Variants in ADK observed in about 807,000 individuals in gnomAD.
The protein encoded by ADK is adenosine kinase.
ADK carries 24 observed loss-of-function variants against 44.7 expected under a neutral mutation model. The observed-to-expected ratio is 0.54, with a 90% CI of 0.39 to 0.76. The LOEUF (loss-of-function observed/expected upper bound fraction) is 0.76, where lower values mean the gene tolerates loss of function less well. Ranked by LOEUF, ADK falls within the 30% of genes least tolerant of loss-of-function variation. The pLI, the probability that ADK is intolerant of heterozygous loss-of-function variation, is 0.00. For synonymous variants in ADK, 128 were observed against 142.6 expected (o/e 0.90, Z 0.73); for missense variants, 321 against 425.1 (o/e 0.76, Z 2.15).
chr10:74,582,760 A>G (rs969657868), intron 7 of ADK, among the ~76,000 whole-genome samples: 3 of 152,164 alleles, frequency 2.0e-5, no homozygotes, highest in Non-Finnish European at 4.4e-5. Flanking sequence ...ATTGCCCCAT[A>G]GAGTTTTTGG....
At chr10:74,267,701 C>A (rs1180214907) in intron 3 of ADK, among the ~76,000 whole-genome samples, 1 of 150,732 alleles carries the variant, frequency 6.6e-6, no homozygotes, top group African/African-American at 2.4e-5. Context: ...ACCCTCTTCA[C>A]CTCATCTTCT....
chr10:74,227,473 G>C lies in ADK; in HGVS notation c.194+2882G>C, dbSNP rs549963792. ...ATGTGTAATCCCAACACTTTGAGAG[G>C]CTGAGGTGGAAGGATTGCTTGAGGC... On this transcript the variant is annotated intron_variant, in intron 3 of 10. Transcript: ENST00000539909. Among the ~76,000 whole-genome samples, 10 of 152,270 alleles carry C rather than the reference G, an allele frequency of 6.6e-5. No individual in the cohort carries two copies. In the South Asian group the frequency reaches 8.3e-4, roughly 13 times the overall value.
chr10:74,314,573 T>C lies in ADK; in HGVS notation c.195-94T>C, dbSNP rs187598971. 2,147 of 749,566 alleles carry C rather than the reference T, an allele frequency of 2.9e-3. 12 individuals carry two copies. The highest frequency in any genetic ancestry group is 4.0e-3 in the Non-Finnish European group (1,676 of 423,396). The allele number at this position is 749,566 out of a possible 1,614,324, so 46.4% of individuals were successfully genotyped here. ...TACTTAAACAATAAAAACATTTTAC[T>C]ATTTGTGTTTTAATACTCTTCTGCT... On this transcript the variant is annotated intron_variant, in intron 3 of 10. Coordinates refer to ENST00000539909, the MANE Select transcript of ADK (RefSeq NM_006721.4).
chr10:74,471,109 CTG>C (rs1846569765), intron 6 of ADK, among the ~76,000 whole-genome samples: 1 of 148,024 alleles, frequency 6.8e-6, no homozygotes, highest in Non-Finnish European at 1.5e-5. Flanking sequence ...GATTCTCACT[CTG>C]TTGCCCAGGC....
At chr10:74,502,685 A>G (rs1275395620) in intron 6 of ADK, among the ~76,000 whole-genome samples, 1 of 152,228 alleles carries the variant, frequency 6.6e-6, no homozygotes, top group Admixed American at 6.5e-5. Flanking sequence ...TCTGTTTTCA[A>G]CGAAACTATT....
intron 4 of ADK, among the ~76,000 whole-genome samples, chr10:74,334,645 G>A (rs2131856074): frequency 6.6e-6 from 1 of 152,214 alleles, no homozygotes; most frequent in African/African-American, 2.4e-5. Context: ...TTTTCTGTTT[G>A]TATAGTTTTG....
chr10:74,178,935 T>G (rs1158613050), intron 1 of ADK, among the ~76,000 whole-genome samples: 1 of 152,232 alleles, frequency 6.6e-6, no homozygotes, highest in Non-Finnish European at 1.5e-5. Flanking sequence ...CATGATTTAG[T>G]GCTCTGCATG....
At chr10:74,312,290 T>TAGAG (rs35574014) in intron 3 of ADK, among the ~76,000 whole-genome samples, 98,539 of 151,176 alleles carry the variant, frequency 0.65, 33,230 homozygotes, top group Middle Eastern at 0.8. Context: ...CACTTGTAGA[T>TAGAG]AGAGTGTGTG....
chr10:74,309,662 G>A (rs1840369518), intron 3 of ADK, among the ~76,000 whole-genome samples: 2 of 152,056 alleles, frequency 1.3e-5, no homozygotes, highest in Admixed American at 1.3e-4. Flanking sequence ...AAAAGGGAGA[G>A]GGGTGTATGA....
chr10:74,263,942 T>C (rs4745743), intron 3 of ADK, among the ~76,000 whole-genome samples: 110,320 of 152,058 alleles, frequency 0.73, 40,653 homozygotes, highest in Middle Eastern at 0.86. Flanking sequence ...AACACTACTG[T>C]GTTTAAGGTT....
At chr10:74,647,102 T>TAA (rs879317276) in intron 9 of ADK, among the ~76,000 whole-genome samples, 11 of 145,266 alleles carry the variant, frequency 7.6e-5, no homozygotes, top group Admixed American at 1.4e-4. Context: ...GTCATTTCCT[T>TAA]AAAAAAAAAA....
At chr10:74,401,839 T>C (rs1331368085) in intron 6 of ADK, among the ~76,000 whole-genome samples, 2 of 152,228 alleles carry the variant, frequency 1.3e-5, no homozygotes, top group African/African-American at 4.8e-5. Flanking sequence ...CTAGCCTTGA[T>C]GGTCTTTACA....
chr10:74,631,210 T>G (rs537906942), intron 9 of ADK, among the ~76,000 whole-genome samples: 1 of 151,992 alleles, frequency 6.6e-6, no homozygotes, highest in Non-Finnish European at 1.5e-5. Flanking sequence ...CATCTATATC[T>G]GTGTCTATAT....
At chr10:74,156,829 A>G (rs1841760152) in intron 1 of ADK, among the ~76,000 whole-genome samples, 1 of 152,204 alleles carries the variant, frequency 6.6e-6, no homozygotes, top group South Asian at 2.1e-4. Context: ...CCTCATAAGG[A>G]TGTTGAGAGG....
chr10:74,156,281 G>T (rs1473865095), intron 1 of ADK, among the ~76,000 whole-genome samples: 1 of 152,034 alleles, frequency 6.6e-6, no homozygotes, highest in Admixed American at 6.5e-5. Context: ...AGGCTGATGT[G>T]CTGCTTTTTT....
At chr10:74,294,084 T>A (rs1030438848) in intron 3 of ADK, among the ~76,000 whole-genome samples, 1 of 152,196 alleles carries the variant, frequency 6.6e-6, no homozygotes, top group African/African-American at 2.4e-5. Context: ...TTTATCCACA[T>A]TGTTGAACAT....
At chr10:74,528,214 G>C (rs1375763876) in intron 7 of ADK, 1 of 482,708 alleles carries the variant, frequency 2.1e-6, no homozygotes, top group Non-Finnish European at 3.6e-6. Flanking sequence ...TGCAAAAATG[G>C]ATAAGTAAAA....
At chr10:74,675,618 T>A (rs1475344540) in intron 10 of ADK, among the ~76,000 whole-genome samples, 1 of 152,176 alleles carries the variant, frequency 6.6e-6, no homozygotes, top group East Asian at 1.9e-4. Context: ...AGGAAAAAAT[T>A]TCTTCCTGTT....
chr10:74,224,149 T>C (rs1257914205), intron 2 of ADK, among the ~76,000 whole-genome samples: 1 of 152,198 alleles, frequency 6.6e-6, no homozygotes, highest in African/African-American at 2.4e-5. Context: ...GTCATGCTAC[T>C]TAGTACATAG....
Sources: allele counts gnomAD v4.1 joint callset (sites outside exome capture counted in the v4.1 genomes callset), GRCh38; gene constraint gnomAD v4.1.1; transcripts MANE v1.5; gene names NCBI Gene and HGNC (gene_info 2026-07-23, HGNC 2026-07-21).